The following B4GALT1 variants were observed in gnomAD, a reference collection of about 807,000 sequenced individuals.
B4GALT1 encodes the protein N-acetyllactosamine synthase.
A neutral mutation model predicts 34.9 loss-of-function variants in B4GALT1; 16 were observed. The observed-to-expected ratio is 0.46, with a 90% CI of 0.31 to 0.70. The LOEUF is 0.70. B4GALT1 is among the 30% of genes least tolerant of loss of function. B4GALT1 has a pLI of 0.05. For synonymous variants in B4GALT1, 221 were observed against 218.1 expected (o/e 1.01, Z -0.12); for missense variants, 445 against 530.5 (o/e 0.84, Z 1.58).
intron 1 of B4GALT1, among the ~76,000 whole-genome samples, chr9:33,140,401 A>C (rs1840331610): frequency 6.6e-6 from 1 of 152,190 alleles, no homozygotes; most frequent in Non-Finnish European, 1.5e-5. Context: ...TTCTTCCAAG[A>C]TTAAGTGCTT....
intron 2 of B4GALT1, among the ~76,000 whole-genome samples, chr9:33,129,949 T>C (rs763714566): frequency 3.3e-5 from 5 of 152,086 alleles, no homozygotes; most frequent in Admixed American, 6.5e-5. Flanking sequence ...GCTTGGGCCT[T>C]CCGACCATTT....
downstream of B4GALT1, chr9:33,108,821 G>C (rs1029774873): frequency 2.0e-5 from 3 of 152,026 alleles, no homozygotes; most frequent in Non-Finnish European, 4.4e-5. Flanking sequence ...ATATATATTT[G>C]GCCTCTGCGC....
Position 33,167,281 on chromosome 9 carries a change from G to C in B4GALT1, c.-112C>G. 3 of 1,339,114 alleles carry C rather than the reference G, an allele frequency of 2.2e-6. No individual in the cohort carries two copies. The highest frequency in any genetic ancestry group is 1.6e-5 in the South Asian group (1 of 61,220). 83.0% of individuals were successfully genotyped at this position (1,339,114 alleles called of 1,614,324 possible). On this transcript the variant is annotated 5_prime_UTR_variant, in exon 1 of 6. Transcript: ENST00000379731. The stretch of plus-strand genomic sequence containing the variant: ...CGGCGACTAGGGGAGGGCCCGGAGC[G>C]GGGGCGGGCGAGCGGCTGAGAGCTG...
the B4GALT1 span, among the ~76,000 whole-genome samples, chr9:33,180,348 G>C: frequency 1.3e-5 from 2 of 152,184 alleles, no homozygotes; most frequent in Non-Finnish European, 2.9e-5. Flanking sequence ...ACAGAATAGA[G>C]CAGGACCATC....
chr9:33,135,965 G>A (rs928422402), intron 1 of B4GALT1, among the ~76,000 whole-genome samples: 1 of 150,514 alleles, frequency 6.6e-6, no homozygotes, highest in Non-Finnish European at 1.5e-5. Flanking sequence ...CGTCAGTGTG[G>A]AGGGAGTTAG....
At chr9:33,134,462 C>A (rs1017350904) in intron 2 of B4GALT1, among the ~76,000 whole-genome samples, 4 of 152,178 alleles carry the variant, frequency 2.6e-5, no homozygotes, top group Admixed American at 2.0e-4. Flanking sequence ...AAGTTATACT[C>A]TTGGGAAAAT....
At chr9:33,173,077 A>G in the B4GALT1 span, among the ~76,000 whole-genome samples, 2 of 152,096 alleles carry the variant, frequency 1.3e-5, no homozygotes, top group Non-Finnish European at 2.9e-5. Context: ...AGATGTGATG[A>G]AGAGAGTGTT....
Position 33,166,887 on chromosome 9 carries a change from G to C in B4GALT1, c.283C>G (p.Arg95Gly), listed in dbSNP as rs1338794794. Residue 95 changes from arginine to glycine, a missense_variant, in exon 1 of 6, where the codon CGC becomes GGC. Transcript: ENST00000379731. ...ACTGGGCTGGAGTCGCCACCCGGGC[G>C]CGGCTGGGAGGAGGCGCCTAGAGGA... Reference protein sequence around the residue: ...PPPLGASSQPRPGGDSSPVVD... With the variant: ...PPPLGASSQPGPGGDSSPVVD... 6.3e-7 allele frequency: 1 copy of C among 1,577,394 alleles called. No individual in the cohort carries two copies. Among genetic ancestry groups the C allele is most frequent in the Admixed American group, 1.8e-5 (1 of 55,572 alleles).
upstream of B4GALT1, among the ~76,000 whole-genome samples, chr9:33,168,155 C>G (rs1014431645): frequency 3.3e-5 from 5 of 152,274 alleles, no homozygotes; most frequent in African/African-American, 1.2e-4. Context: ...CTCCCCATGT[C>G]GTAGAGTGGG....
chr9:33,180,413 A>G, the B4GALT1 span, among the ~76,000 whole-genome samples: 7 of 152,188 alleles, frequency 4.6e-5, no homozygotes, highest in African/African-American at 1.7e-4. Flanking sequence ...AACAACATTC[A>G]CTTTTTTATG....
At chr9:33,182,310 T>C in the B4GALT1 span, among the ~76,000 whole-genome samples, 3 of 152,242 alleles carry the variant, frequency 2.0e-5, no homozygotes, top group Non-Finnish European at 4.4e-5. Context: ...GGACTTGGGC[T>C]CACCCTAATC....
intron 4 of B4GALT1, among the ~76,000 whole-genome samples, chr9:33,115,050 A>G (rs1839918943): frequency 6.6e-6 from 1 of 152,242 alleles, no homozygotes; most frequent in Non-Finnish European, 1.5e-5. Context: ...CCAGGTTTTC[A>G]GTGTCCTGGG....
In B4GALT1 at chr9:33,123,236, C is replaced by A. The variant is rs570740346; in HGVS notation, c.649-2630G>T. Among the ~76,000 whole-genome samples the A allele has an allele frequency of 1.3e-4, 18 of 143,108 alleles. No individual in the cohort carries two copies. The East Asian group carries it at 3.6e-3, about 29-fold the overall frequency. 93.9% of individuals were successfully genotyped at this position (143,108 alleles called of 152,430 possible). ...GAGGTTGCAGTGAGCCAAGATTGCG[C>A]CACTGCACTCCAGCCTGGGCAACAG... On this transcript the variant is annotated intron_variant, in intron 2 of 5. Coordinates refer to ENST00000379731, the MANE Select transcript of B4GALT1 (RefSeq NM_001497.4).
the B4GALT1 span, among the ~76,000 whole-genome samples, chr9:33,176,478 G>A: frequency 3.3e-4 from 50 of 152,230 alleles, no homozygotes; most frequent in African/African-American, 1.2e-3. Flanking sequence ...AGAGGTTTAG[G>A]AGGCGCTGTT....
At chr9:33,151,498 G>GCAAT (rs1840517188) in intron 1 of B4GALT1, among the ~76,000 whole-genome samples, 2 of 152,172 alleles carry the variant, frequency 1.3e-5, no homozygotes, top group South Asian at 4.1e-4. Flanking sequence ...AGTACTCCTG[G>GCAAT]CAATATCTCT....
intron 1 of B4GALT1, among the ~76,000 whole-genome samples, chr9:33,143,121 G>A (rs1840377582): frequency 6.6e-6 from 1 of 152,012 alleles, no homozygotes; most frequent in African/African-American, 2.4e-5. Flanking sequence ...CTCTAGCCTG[G>A]GCAACAAAGC....
At chr9:33,121,425 T>C (rs183728481) in intron 2 of B4GALT1, among the ~76,000 whole-genome samples, 2 of 152,250 alleles carry the variant, frequency 1.3e-5, no homozygotes, top group Admixed American at 1.3e-4. Flanking sequence ...TATAATGGTA[T>C]GATCTTGGCT....
At chr9:33,145,193 C>T (rs954991696) in intron 1 of B4GALT1, among the ~76,000 whole-genome samples, 2 of 151,708 alleles carry the variant, frequency 1.3e-5, no homozygotes, top group African/African-American at 2.4e-5. Flanking sequence ...ACAGCCACCA[C>T]CCCCCAACCC....
chr9:33,113,613 T>C (rs780729891), intron 5 of B4GALT1, 27 bp from the exon 6 acceptor site: 36 of 1,614,024 alleles, frequency 2.2e-5, no homozygotes, highest in African/African-American at 8.0e-5. Context: ...ACAAGGAGAT[T>C]GTCTTAAAAC....
Sources: allele counts gnomAD v4.1 joint callset (sites outside exome capture counted in the v4.1 genomes callset), GRCh38; gene constraint gnomAD v4.1.1; transcripts MANE v1.5; gene names NCBI Gene and HGNC (gene_info 2026-07-23, HGNC 2026-07-21).